Variants in SH3RF2 observed in about 807,000 individuals in gnomAD.
SH3RF2 encodes E3 ubiquitin-protein ligase SH3RF2.
SH3RF2 carries 43 observed loss-of-function variants against 59.0 expected under a neutral mutation model. The observed-to-expected ratio is 0.73, with a 90% CI of 0.57 to 0.94. The LOEUF is 0.94. Ranked by LOEUF, SH3RF2 falls within the 40% of genes least tolerant of loss-of-function variation. The probability of loss-of-function intolerance (pLI) is 0.00; values close to 1 mark genes in which losing one functional copy is unlikely to be tolerated. For missense variants in SH3RF2, 930 were observed against 940.1 expected (o/e 0.99, Z 0.14); for synonymous variants, 391 against 391.5 (o/e 1.00, Z 0.01).
chr5:146,010,120 C>T (rs1034907731), intron 4 of SH3RF2, among the ~76,000 whole-genome samples: 20 of 151,432 alleles, frequency 1.3e-4, no homozygotes, highest in African/African-American at 4.9e-4. Flanking sequence ...TGAGTGAGAA[C>T]ATGCGGTGTT....
At chr5:145,980,403 A>G (rs1020774686) in intron 2 of SH3RF2, among the ~76,000 whole-genome samples, 4 of 152,170 alleles carry the variant, frequency 2.6e-5, no homozygotes, top group African/African-American at 9.7e-5. Context: ...TAGATCATGA[A>G]TCTTTCCCAT....
At chr5:145,960,208 A>C (rs1225167533) in intron 2 of SH3RF2, among the ~76,000 whole-genome samples, 1 of 152,174 alleles carries the variant, frequency 6.6e-6, no homozygotes, top group African/African-American at 2.4e-5. Flanking sequence ...ATGTGCCACT[A>C]TGCCCAGCTG....
intron 5 of SH3RF2, among the ~76,000 whole-genome samples, chr5:146,030,923 G>A (rs1243519860): frequency 6.6e-6 from 1 of 152,176 alleles, no homozygotes; most frequent in Non-Finnish European, 1.5e-5. Context: ...AAACAGTTAG[G>A]CAGTAGTGAC....
chr5:145,962,448 T>C (rs200821251), intron 2 of SH3RF2, among the ~76,000 whole-genome samples: 1 of 152,258 alleles, frequency 6.6e-6, no homozygotes, highest in Non-Finnish European at 1.5e-5. Context: ...CTTAACCCTT[T>C]GAGTTTTTAT....
At chr5:146,030,016 C>T (rs1454029647) in intron 5 of SH3RF2, among the ~76,000 whole-genome samples, 1 of 152,166 alleles carries the variant, frequency 6.6e-6, no homozygotes, top group African/African-American at 2.4e-5. Flanking sequence ...TTGCAAGCAC[C>T]AGTTTGTCTG....
At chr5:145,980,464 A>T (rs1287288576) in intron 2 of SH3RF2, among the ~76,000 whole-genome samples, 1 of 152,176 alleles carries the variant, frequency 6.6e-6, no homozygotes, top group African/African-American at 2.4e-5. Context: ...TTAGCATTCC[A>T]CAGTAGTTAC....
At chr5:146,059,128 A>T (rs984662484) in intron 8 of SH3RF2, among the ~76,000 whole-genome samples, 24 of 152,200 alleles carry the variant, frequency 1.6e-4, no homozygotes, top group African/African-American at 5.3e-4. Context: ...CAGAGAGGTG[A>T]CGTGACTTAA....
intron 9 of SH3RF2, 84 bp downstream of exon 9, chr5:146,060,308 T>G: frequency 1.5e-6 from 2 of 1,362,332 alleles, no homozygotes; most frequent in Non-Finnish European, 2.0e-6. Flanking sequence ...TTAGTGTTGG[T>G]GAACAAGGAA....
intron 2 of SH3RF2, among the ~76,000 whole-genome samples, chr5:145,989,373 A>G (rs1235378376): frequency 6.6e-6 from 1 of 152,246 alleles, no homozygotes; most frequent in Admixed American, 6.5e-5. Context: ...TTAACCTTGC[A>G]TGCATTCTAT....
intron 8 of SH3RF2, 131 bp downstream of exon 8, chr5:146,056,344 A>C: frequency 7.2e-7 from 1 of 1,380,548 alleles, no homozygotes; most frequent in South Asian, 1.4e-5. Flanking sequence ...GGTATTATAC[A>C]ATTCCCAAAT....
intron 2 of SH3RF2, among the ~76,000 whole-genome samples, chr5:145,961,846 G>A (rs867301416): frequency 2.0e-5 from 3 of 152,256 alleles, no homozygotes; most frequent in Middle Eastern, 6.8e-3. Flanking sequence ...ACTGGCTTAA[G>A]AAATAAAAAA....
intron 2 of SH3RF2, among the ~76,000 whole-genome samples, chr5:145,939,244 G>A (rs1757718102): frequency 6.6e-6 from 1 of 152,174 alleles, no homozygotes; most frequent in Non-Finnish European, 1.5e-5. Flanking sequence ...CTGTGGCTTG[G>A]GCCATTGGCA....
At chr5:146,047,719 C>T (rs376046661) in intron 5 of SH3RF2, 53 bp from the exon 6 acceptor site, 33 of 1,556,712 alleles carry the variant, frequency 2.1e-5, no homozygotes, top group African/African-American at 4.1e-5. Context: ...TTGCTGTGGG[C>T]CTGGGTTGTG....
At chr5:146,052,567 G>A (rs1762536973) in intron 7 of SH3RF2, among the ~76,000 whole-genome samples, 1 of 152,156 alleles carries the variant, frequency 6.6e-6, no homozygotes. Context: ...AAGAACAAGT[G>A]CCTATTAGAG....
At chr5:145,993,442 A>G (rs1760029308) in intron 2 of SH3RF2, among the ~76,000 whole-genome samples, 1 of 152,182 alleles carries the variant, frequency 6.6e-6, no homozygotes, top group African/African-American at 2.4e-5. Context: ...GCCCTAGCAG[A>G]GGTTCTCCAT....
chr5:145,954,031 G>A (rs1307159208), intron 2 of SH3RF2, among the ~76,000 whole-genome samples: 1 of 152,182 alleles, frequency 6.6e-6, no homozygotes, highest in Non-Finnish European at 1.5e-5. Flanking sequence ...ATGTGCATGT[G>A]TCTTTGTGGT....
chr5:145,947,238 T>A (rs775751803), intron 2 of SH3RF2, among the ~76,000 whole-genome samples: 10 of 151,628 alleles, frequency 6.6e-5, no homozygotes, highest in Non-Finnish European at 8.8e-5. Context: ...GTATTATTTT[T>A]AAAATATGTA....
intron 5 of SH3RF2, among the ~76,000 whole-genome samples, chr5:146,045,260 A>T (rs2150012723): frequency 6.6e-6 from 1 of 152,342 alleles, no homozygotes; most frequent in Non-Finnish European, 1.5e-5. Flanking sequence ...AGAACACTTT[A>T]TGCAGTGCTA....
intron 4 of SH3RF2, among the ~76,000 whole-genome samples, chr5:146,009,028 C>A (rs954521559): frequency 6.6e-6 from 1 of 152,174 alleles, no homozygotes. Context: ...TCATTCACCT[C>A]GTGAAAGACA....
Sources: allele counts gnomAD v4.1 joint callset (sites outside exome capture counted in the v4.1 genomes callset), GRCh38; gene constraint gnomAD v4.1.1; transcripts MANE v1.5; gene names NCBI Gene and HGNC (gene_info 2026-07-23, HGNC 2026-07-21).